The following EIF4G3 variants were observed in gnomAD, a reference collection of about 807,000 sequenced individuals.
EIF4G3 encodes the protein eIF-4-gamma 3.
In EIF4G3, 34 loss-of-function variants were observed where a neutral mutation model predicts 186.4. That is an observed-to-expected ratio of 0.18 (90% CI 0.14 to 0.24). EIF4G3 has a LOEUF of 0.24. EIF4G3 is among the 10% of genes least tolerant of loss of function. The probability of loss-of-function intolerance (pLI) is 1.00; values close to 1 mark genes in which losing one functional copy is unlikely to be tolerated. For synonymous variants in EIF4G3, 673 were observed against 679.5 expected (o/e 0.99, Z 0.15); for missense variants, 1,536 against 1,948.5 (o/e 0.79, Z 3.99).
At chr1:20,928,386 G>A (rs2095073704) in intron 14 of EIF4G3, among the ~76,000 whole-genome samples, 1 of 151,912 alleles carries the variant, frequency 6.6e-6, no homozygotes, top group Non-Finnish European at 1.5e-5. Context: ...ATAGATGCTG[G>A]TGGCACCACC....
At chr1:20,824,062 T>C (rs2063034921) in intron 33 of EIF4G3, among the ~76,000 whole-genome samples, 2 of 152,386 alleles carry the variant, frequency 1.3e-5, no homozygotes, top group South Asian at 4.1e-4. Flanking sequence ...CACTGGGCTA[T>C]GTGTCCTTTG....
At chr1:20,940,508 C>T (rs2095674181) in intron 14 of EIF4G3, among the ~76,000 whole-genome samples, 1 of 152,130 alleles carries the variant, frequency 6.6e-6, no homozygotes, top group African/African-American at 2.4e-5. Flanking sequence ...TGTCAAATTT[C>T]CTTATTATAC....
At chr1:21,030,919 C>T (rs929607342) in intron 4 of EIF4G3, among the ~76,000 whole-genome samples, 1 of 152,178 alleles carries the variant, frequency 6.6e-6, no homozygotes, top group Non-Finnish European at 1.5e-5. Flanking sequence ...GGTGTGGTGG[C>T]TCATGCCTGT....
intron 33 of EIF4G3, among the ~76,000 whole-genome samples, chr1:20,821,101 A>C (rs1427924646): frequency 6.6e-6 from 1 of 152,206 alleles, no homozygotes; most frequent in Non-Finnish European, 1.5e-5. Context: ...TGGCCAAAAA[A>C]ATCGACACTC....
intron 13 of EIF4G3, among the ~76,000 whole-genome samples, chr1:20,948,339 C>T (rs77875130): frequency 0.11 from 16,505 of 152,218 alleles, 1,174 homozygotes; most frequent in Non-Finnish European, 0.15. Flanking sequence ...TTAAAGAATT[C>T]GCTTGAAGCA....
chr1:20,986,577 C>T (rs1414433517), intron 7 of EIF4G3, among the ~76,000 whole-genome samples: 1 of 151,626 alleles, frequency 6.6e-6, no homozygotes, highest in African/African-American at 2.4e-5. Context: ...AACCCCGTCT[C>T]CACTAAAAAA....
At chr1:21,070,959 C>T (rs2095423817) in intron 3 of EIF4G3, among the ~76,000 whole-genome samples, 1 of 152,112 alleles carries the variant, frequency 6.6e-6, no homozygotes. Flanking sequence ...TAGGTACAAC[C>T]GCTACCACCC....
intron 7 of EIF4G3, among the ~76,000 whole-genome samples, chr1:20,989,778 G>C (rs2080632912): frequency 6.6e-6 from 1 of 152,152 alleles, no homozygotes; most frequent in Admixed American, 6.5e-5. Context: ...AGTTGATAAA[G>C]CAGCAGCAGA....
At chr1:21,145,269 T>C (rs144099096) in intron 2 of EIF4G3, among the ~76,000 whole-genome samples, 72 of 152,158 alleles carry the variant, frequency 4.7e-4, no homozygotes, top group East Asian at 2.3e-3. Context: ...ATTAAGAGAA[T>C]TGCCAAAGAT....
chr1:20,841,978 G>A (rs569725721), intron 29 of EIF4G3, among the ~76,000 whole-genome samples: 170 of 150,594 alleles, frequency 1.1e-3, no homozygotes, highest in African/African-American at 3.9e-3. Context: ...CACCACTGCC[G>A]CTTTTTCCTC....
rs1553353360 is a variant in EIF4G3 at position 20,962,915 on chromosome 1, T to TTG, written c.714+6558_714+6559insCA. Among the ~76,000 whole-genome samples the TTG allele has an allele frequency of 2.5e-3, 376 of 151,294 alleles. 1 individual carries two copies. The highest frequency in any genetic ancestry group is 8.9e-3 in the African/African-American group (367 of 41,188). On this transcript the variant is annotated intron_variant, in intron 12 of 36. Coordinates refer to ENST00000602326, the MANE Select transcript of EIF4G3 (RefSeq NM_001391906.1). ...ATTGCCTCTTGTAGTTTTGTTTTTT[T>TTG]TTTGTTTTTTTTTTTTTTGAGAGAC... is the stretch of plus-strand genomic sequence containing the variant.
chr1:20,891,817 T>A (rs1015955659), intron 18 of EIF4G3, among the ~76,000 whole-genome samples: 14 of 150,976 alleles, frequency 9.3e-5, no homozygotes, highest in African/African-American at 3.4e-4. Flanking sequence ...TATAAAATGG[T>A]TTCTAGAAAG....
intron 7 of EIF4G3, among the ~76,000 whole-genome samples, chr1:20,989,220 T>A (rs1373148296): frequency 6.7e-6 from 1 of 148,430 alleles, no homozygotes; most frequent in Non-Finnish European, 1.5e-5. Context: ...ATGGAAGGAG[T>A]AAGTGCTGAT....
At chr1:20,948,526 G>C (rs972938199) in intron 13 of EIF4G3, among the ~76,000 whole-genome samples, 3 of 151,820 alleles carry the variant, frequency 2.0e-5, no homozygotes, top group African/African-American at 7.3e-5. Flanking sequence ...ATACTCAGGG[G>C]GAAAATGAAA....
intron 3 of EIF4G3, among the ~76,000 whole-genome samples, chr1:21,074,157 C>T (rs1044037271): frequency 6.6e-6 from 1 of 152,120 alleles, no homozygotes; most frequent in African/African-American, 2.4e-5. Context: ...AACAGTGACA[C>T]TACTGCCATT....
chr1:21,062,601 A>G (rs2094980150), intron 3 of EIF4G3, among the ~76,000 whole-genome samples: 1 of 151,794 alleles, frequency 6.6e-6, no homozygotes, highest in African/African-American at 2.4e-5. Flanking sequence ...AGATATACCT[A>G]TTTTTTTGAG....
intron 13 of EIF4G3, among the ~76,000 whole-genome samples, chr1:20,944,017 T>TGTGC (rs2095836814): frequency 6.6e-6 from 1 of 150,416 alleles, no homozygotes; most frequent in Admixed American, 6.6e-5. Context: ...TGTGTGTGTG[T>TGTGC]GTGTGTGTGT....
chr1:21,014,915 G>A (rs916804814), intron 4 of EIF4G3, among the ~76,000 whole-genome samples: 15 of 152,126 alleles, frequency 9.9e-5, no homozygotes, highest in African/African-American at 3.1e-4. Context: ...GATTATAGGC[G>A]TGAGCCACCA....
At chr1:20,826,050 G>A (rs2063530696) in intron 32 of EIF4G3, among the ~76,000 whole-genome samples, 1 of 152,188 alleles carries the variant, frequency 6.6e-6, no homozygotes, top group African/African-American at 2.4e-5. Flanking sequence ...AGTTGAACCA[G>A]AATTTGAACT....
Sources: gnomAD v4.1 joint callset for allele counts (sites outside exome capture counted in the v4.1 genomes callset) on GRCh38, gnomAD v4.1.1 for gene constraint, MANE v1.5 for transcripts, NCBI Gene and HGNC (gene_info 2026-07-23, HGNC 2026-07-21) for gene names.